The following PALM2AKAP2 variants were observed in gnomAD, a reference collection of about 807,000 sequenced individuals.
PALM2AKAP2 encodes PALM2-AKAP2 fusion protein.
A neutral mutation model predicts 71.5 loss-of-function variants in PALM2AKAP2; 37 were observed. The ratio of observed to expected loss-of-function variants is 0.52; its 90% CI spans 0.40 to 0.68. The LOEUF (loss-of-function observed/expected upper bound fraction) is 0.68. Ranked by LOEUF, PALM2AKAP2 falls within the 30% of genes least tolerant of loss-of-function variation. The pLI is 0.00. For missense variants in PALM2AKAP2, 1,224 were observed against 1,191.8 expected (o/e 1.03, Z -0.40); for synonymous variants, 468 against 478.8 (o/e 0.98, Z 0.29).
At chr9:109,702,755 A>T (rs544959722) in intron 1 of PALM2AKAP2, among the ~76,000 whole-genome samples, 426 of 151,204 alleles carry the variant, frequency 2.8e-3, no homozygotes, top group East Asian at 0.015. Flanking sequence ...ATAATAATAA[A>T]AAAAAAAAAA....
At chr9:110,097,525 G>C (rs1033355401) in intron 1 of PALM2AKAP2, among the ~76,000 whole-genome samples, 2 of 151,696 alleles carry the variant, frequency 1.3e-5, no homozygotes, top group Admixed American at 6.6e-5. Flanking sequence ...CCCGGACGGG[G>C]CGACAGGGCA....
intron 6 of PALM2AKAP2, among the ~76,000 whole-genome samples, chr9:109,942,130 C>A (rs1269088460): frequency 6.6e-6 from 1 of 152,146 alleles, no homozygotes; most frequent in Non-Finnish European, 1.5e-5. Context: ...ACTCACAGGG[C>A]ACATAATATG....
At chr9:109,873,517 A>T (rs866119297) in intron 2 of PALM2AKAP2, among the ~76,000 whole-genome samples, 7 of 151,880 alleles carry the variant, frequency 4.6e-5, no homozygotes, top group African/African-American at 1.7e-4. Context: ...CCATATTCCA[A>T]CCATCATCCA....
At chr9:109,772,281 C>T (rs915206024) in intron 1 of PALM2AKAP2, among the ~76,000 whole-genome samples, 1 of 152,154 alleles carries the variant, frequency 6.6e-6, no homozygotes, top group Non-Finnish European at 1.5e-5. Flanking sequence ...TGGCTACCAC[C>T]GTCTTCTTCC....
chr9:109,813,501 G>A (rs1249142587), intron 1 of PALM2AKAP2, among the ~76,000 whole-genome samples: 3 of 152,146 alleles, frequency 2.0e-5, no homozygotes, highest in African/African-American at 7.2e-5. Flanking sequence ...CTAACACCAT[G>A]ACGTCAGCAT....
chr9:110,033,542 T>A (rs1833324230), intron 7 of PALM2AKAP2, among the ~76,000 whole-genome samples: 1 of 152,226 alleles, frequency 6.6e-6, no homozygotes, highest in Admixed American at 6.5e-5. Context: ...TGTCCCATTG[T>A]GCAGATGAAG....
intron 1 of PALM2AKAP2, among the ~76,000 whole-genome samples, chr9:110,060,711 C>T (rs956393557): frequency 6.6e-6 from 1 of 152,260 alleles, no homozygotes; most frequent in Middle Eastern, 3.4e-3. Flanking sequence ...AAGCCATTCT[C>T]CTGCCTCAGC....
At chr9:110,116,901 C>T (rs1204609898) in intron 1 of PALM2AKAP2, among the ~76,000 whole-genome samples, 1 of 152,164 alleles carries the variant, frequency 6.6e-6, no homozygotes, top group Non-Finnish European at 1.5e-5. Flanking sequence ...TATGAAAGAC[C>T]TCACTTTTTA....
chr9:110,005,966 G>C (rs139424174), intron 6 of PALM2AKAP2, among the ~76,000 whole-genome samples: 3,140 of 152,244 alleles, frequency 0.021, 110 homozygotes, highest in African/African-American at 0.072. Context: ...CTGACCCCTT[G>C]CACTTCCCAG....
chr9:109,897,859 C>T (rs1830238719), intron 3 of PALM2AKAP2, among the ~76,000 whole-genome samples: 1 of 152,184 alleles, frequency 6.6e-6, no homozygotes, highest in Admixed American at 6.5e-5. Context: ...TCATATTGTT[C>T]ATCTCCTCTA....
At chr9:110,022,759 T>C (rs1833097124) in intron 7 of PALM2AKAP2, among the ~76,000 whole-genome samples, 1 of 150,670 alleles carries the variant, frequency 6.6e-6, no homozygotes, top group South Asian at 2.1e-4. Flanking sequence ...CCCCGGAGTG[T>C]GATGTTCCCC....
At chr9:109,878,032 G>T (rs1001336089) in intron 2 of PALM2AKAP2, among the ~76,000 whole-genome samples, 4 of 152,122 alleles carry the variant, frequency 2.6e-5, no homozygotes, top group Non-Finnish European at 5.9e-5. Context: ...AGGGTCTGTC[G>T]GGGAAATTTT....
At chr9:110,004,170 G>T (rs200195554) in intron 6 of PALM2AKAP2, among the ~76,000 whole-genome samples, 1 of 152,192 alleles carries the variant, frequency 6.6e-6, no homozygotes, top group East Asian at 1.9e-4. Context: ...GCTGGTACCA[G>T]TTTTTCCTTT....
chr9:109,645,314 A>G (rs1827134394), intron 1 of PALM2AKAP2, among the ~76,000 whole-genome samples: 2 of 152,172 alleles, frequency 1.3e-5, no homozygotes, highest in Admixed American at 1.3e-4. Flanking sequence ...CCCATTCACT[A>G]TCATGAGACC....
rs1395131861 is a variant in PALM2AKAP2, at chr9:109,919,761, G to GTATA, written c.258-3973_258-3972insATAT. On this transcript the variant is annotated intron_variant, in intron 3 of 9. Transcript: ENST00000302798. Reference sequence around the variant, plus strand: ...TGTGTGTGTGTGTGTGTGTGTGTGTGTGTGTATATATGTAAAATGTATACA... The same window carrying GTATA: ...TGTGTGTGTGTGTGTGTGTGTGTGTGTATATGTGTATATATGTAAAATGTATACA... 1.4e-3 allele frequency among the ~76,000 whole-genome samples: 195 copies of GTATA among 141,768 alleles called. 3 individuals are homozygous for GTATA. Among genetic ancestry groups the GTATA allele is most frequent in the African/African-American group, 5.0e-3 (191 of 38,164 alleles). The allele number at this position is 141,768 out of a possible 152,430, so 93.0% of individuals were successfully genotyped here.
At chr9:109,684,938 A>G (rs970391520) in intron 1 of PALM2AKAP2, among the ~76,000 whole-genome samples, 1 of 152,202 alleles carries the variant, frequency 6.6e-6, no homozygotes, top group African/African-American at 2.4e-5. Context: ...AAACTGTGGC[A>G]CATCCGTACA....
intron 1 of PALM2AKAP2, among the ~76,000 whole-genome samples, chr9:110,121,508 T>G (rs1835486412): frequency 6.6e-6 from 1 of 152,202 alleles, no homozygotes; most frequent in Non-Finnish European, 1.5e-5. Flanking sequence ...ACCTTCCTAG[T>G]GCCACCCTTT....
intron 1 of PALM2AKAP2, among the ~76,000 whole-genome samples, chr9:109,825,239 A>C (rs1411768692): frequency 1.3e-5 from 2 of 152,246 alleles, no homozygotes; most frequent in Non-Finnish European, 2.9e-5. Context: ...TAAATGTTAG[A>C]CCTAAAACCA....
At chr9:110,021,211 A>G (rs1833068372) in intron 7 of PALM2AKAP2, among the ~76,000 whole-genome samples, 1 of 152,216 alleles carries the variant, frequency 6.6e-6, no homozygotes, top group African/African-American at 2.4e-5. Flanking sequence ...GGATACTCAT[A>G]TACACAGAAG....
Sources: gnomAD v4.1 joint callset for allele counts (sites outside exome capture counted in the v4.1 genomes callset) on GRCh38, gnomAD v4.1.1 for gene constraint, MANE v1.5 for transcripts, NCBI Gene and HGNC (gene_info 2026-07-23, HGNC 2026-07-21) for gene names.